HNRNPUL1: variants seen among roughly 807,000 people sequenced by gnomAD.
HNRNPUL1 encodes the protein heterogeneous nuclear ribonucleoprotein U like 1.
Under a neutral mutation model 108.5 loss-of-function variants are expected in HNRNPUL1, and 14 were observed. The ratio of observed to expected loss-of-function variants is 0.13; its 90% CI spans 0.09 to 0.20. The LOEUF is 0.20. Among genes scored for constraint, HNRNPUL1 ranks in the 10% least tolerant of loss-of-function variants. The pLI is 1.00. For synonymous variants in HNRNPUL1, 422 were observed against 445.2 expected, an observed-to-expected ratio of 0.95 and a Z score of 0.66; for missense variants, 804 against 1,168.3, an observed-to-expected ratio of 0.69 and a Z score of 4.55.
chr19:41,279,030 C>A, intron 5 of HNRNPUL1, 47 bp from the exon 6 acceptor site: 1 of 1,329,670 alleles, frequency 7.5e-7, no homozygotes, highest in Non-Finnish European at 1.1e-6. Context: ...TCATAACCTA[C>A]GGCCTCCAGA....
chr19:41,297,856 T>C (rs370825680), intron 10 of HNRNPUL1, among the ~76,000 whole-genome samples: 1 of 152,120 alleles, frequency 6.6e-6, no homozygotes, highest in Non-Finnish European at 1.5e-5. Flanking sequence ...AGGGCTAGAA[T>C]AGTCTCCCAC....
chr19:41,266,280 A>C (rs2034838470), intron 1 of HNRNPUL1, among the ~76,000 whole-genome samples: 2 of 151,942 alleles, frequency 1.3e-5, no homozygotes, highest in Non-Finnish European at 2.9e-5. Context: ...TAAAAATACA[A>C]ATATTAACCG....
chr19:41,274,201 G>T, intron 4 of HNRNPUL1, 146 bp downstream of exon 4: 1 of 693,292 alleles, frequency 1.4e-6, no homozygotes, highest in Non-Finnish European at 2.5e-6. Flanking sequence ...TGGAGCAAGA[G>T]TACTGGTTTG....
In HNRNPUL1 at chr19:41,264,771, G is replaced by A; in HGVS notation, c.268G>A (p.Gly90Ser). The change falls in exon 1 of 15, where the codon GGC becomes AGC. Residue 90 changes from glycine (G) to serine (S), a missense_variant. By Grantham distance (56) the Gly-to-Ser change is moderately conservative (BLOSUM62 0). Around this residue, in one of 4 missense-constraint regions of HNRNPUL1, gnomAD observed 256 missense variants for 261.6 expected, o/e 0.98. Coordinates refer to ENST00000392006, the MANE Select transcript of HNRNPUL1 (RefSeq NM_007040.6). ...PPGLQPHAEP[G>S]GYSGPDGHYA... ...CGGGCTGCAGCCGCACGCGGAGCCC[G>A]GCGGCTACTCGGGGCCGGACGGACA... 1.5e-6 allele frequency: 2 copies of A among 1,375,744 alleles called. No homozygotes were observed. The highest frequency in any genetic ancestry group is 1.9e-6 in the Non-Finnish European group (2 of 1,069,092). The allele number at this position is 1,375,744 out of a possible 1,614,324, so 85.2% of individuals were successfully genotyped here.
rs1441293973 is a variant in HNRNPUL1 at position 41,274,118 on chromosome 19, G to A, written c.646+63G>A. ...GTCAGTATGGGGAAATTGTGGTCTTGACCTTCACCAGAATCCCTGCTGGGC... is the reference window on the plus strand; with the variant it reads ...GTCAGTATGGGGAAATTGTGGTCTTAACCTTCACCAGAATCCCTGCTGGGC... On this transcript the variant is annotated intron_variant, in intron 4 of 14. Coordinates refer to ENST00000392006, the MANE Select transcript of HNRNPUL1 (RefSeq NM_007040.6). The A allele has an allele frequency of 5.2e-6, 7 of 1,349,614 alleles. No individual in the cohort carries two copies. The East Asian group carries it at 1.4e-4, about 26-fold the overall frequency. The allele number at this position is 1,349,614 out of a possible 1,614,324, so 83.6% of individuals were successfully genotyped here.
chr19:41,268,187 G>C, intron 1 of HNRNPUL1, 36 bp from the exon 2 acceptor site: 1 of 1,606,612 alleles, frequency 6.2e-7, no homozygotes, highest in Non-Finnish European at 8.5e-7. Flanking sequence ...TTCATGAACC[G>C]CCCCTCTAAT....
chr19:41,286,546 TG>T (rs1262601389), intron 7 of HNRNPUL1: 1 of 152,104 alleles, frequency 6.6e-6, no homozygotes, highest in East Asian at 1.9e-4. Context: ...GGCAACCTGA[TG>T]GTCCCTAACT....
Position 41,268,347 on chromosome 19 carries a change from T to A in HNRNPUL1, c.418+2T>A. On this transcript the variant is annotated splice_donor_variant, in intron 2 of 14. Coordinates refer to ENST00000392006, the MANE Select transcript of HNRNPUL1 (RefSeq NM_007040.6). LOFTEE classifies it high-confidence loss of function. ...AGCAGCAGCAGGCCTATCGTCCAGG[T>A]AGGAAAATACACATGGTTCATCTCT... 6.2e-7 allele frequency: 1 copy of A among 1,613,124 alleles called. No homozygotes were observed. The highest frequency in any genetic ancestry group is 8.5e-7 in the Non-Finnish European group (1 of 1,179,632).
At chr19:41,303,640 C>T (rs2037372752) in intron 12 of HNRNPUL1, among the ~76,000 whole-genome samples, 1 of 152,116 alleles carries the variant, frequency 6.6e-6, no homozygotes, top group African/African-American at 2.4e-5. Context: ...AGATGTGAGC[C>T]ACCGCACCCT....
chr19:41,304,104 C>T lies in HNRNPUL1; in HGVS notation c.2105C>T (p.Pro702Leu), dbSNP rs374729735. The change falls in exon 13 of 15, where the codon CCG (proline) becomes CTG (leucine). Residue 702 changes from proline to leucine, a missense_variant. Transcript: ENST00000392006. The stretch of plus-strand genomic sequence containing the variant: ...CAACAGCCGCCACCACAGCAGCCTC[C>T]GCCACCACAGCCACCACCCCAGCAG... ...PQQQPPPQQP[P>L]PPQPPPQQPP... 19 of 1,613,080 alleles carry T rather than the reference C, an allele frequency of 1.2e-5. No individual in the cohort carries two copies. Among genetic ancestry groups the T allele is most frequent in the African/African-American group, 5.3e-5 (4 of 74,844 alleles).
At chr19:41,271,487 A>G (rs1234488807) in intron 2 of HNRNPUL1, among the ~76,000 whole-genome samples, 1 of 152,154 alleles carries the variant, frequency 6.6e-6, no homozygotes, top group Non-Finnish European at 1.5e-5. Context: ...TGAATGCAGA[A>G]ATGAGTAGAT....
intron 7 of HNRNPUL1, among the ~76,000 whole-genome samples, chr19:41,283,517 G>A (rs536515172): frequency 2.6e-5 from 4 of 152,200 alleles, no homozygotes; most frequent in East Asian, 1.9e-4. Context: ...GCACGGTGGC[G>A]CAATCTCGGC....
Position 41,307,305 on chromosome 19 carries a change from G to C in HNRNPUL1, c.*740G>C, listed in dbSNP as rs1193001749. The C allele has an allele frequency of 6.6e-6, 1 of 152,618 alleles. No homozygotes were observed. Among genetic ancestry groups the C allele is most frequent in the Non-Finnish European group, 1.5e-5 (1 of 68,050 alleles). The allele number at this position is 152,618 out of a possible 1,614,324, so 9.5% of individuals were successfully genotyped here. ...CAGTTCCCCATAACTTTGCACACAA[G>C]CTTCTGTGTTCAGTTGAATTGTAAC... On this transcript the variant is annotated 3_prime_UTR_variant, in exon 15 of 15. Coordinates refer to ENST00000392006, the MANE Select transcript of HNRNPUL1 (RefSeq NM_007040.6).
At chr19:41,267,517 G>C (rs2034924694) in intron 1 of HNRNPUL1, among the ~76,000 whole-genome samples, 1 of 152,186 alleles carries the variant, frequency 6.6e-6, no homozygotes, top group Non-Finnish European at 1.5e-5. Flanking sequence ...TTCAACCTTG[G>C]TAAACAGACC....
intron 2 of HNRNPUL1, among the ~76,000 whole-genome samples, chr19:41,269,205 C>T (rs2035054708): frequency 6.6e-6 from 1 of 151,678 alleles, no homozygotes; most frequent in African/African-American, 2.4e-5. Context: ...CTGGCTCATA[C>T]CTATAATTCC....
chr19:41,277,884 C>T (rs537255251), intron 5 of HNRNPUL1, among the ~76,000 whole-genome samples: 3 of 151,628 alleles, frequency 2.0e-5, no homozygotes, highest in South Asian at 2.1e-4. Context: ...TCTGAAAAGC[C>T]AGTGAGGCCA....
chr19:41,268,553 C>T (rs181735559), intron 2 of HNRNPUL1, among the ~76,000 whole-genome samples: 2 of 152,174 alleles, frequency 1.3e-5, no homozygotes, highest in East Asian at 3.9e-4. Flanking sequence ...TCCATGGTAT[C>T]TGTAAAAAAG....
intron 7 of HNRNPUL1, among the ~76,000 whole-genome samples, chr19:41,286,259 T>C (rs2036222015): frequency 6.6e-6 from 1 of 151,940 alleles, no homozygotes; most frequent in Non-Finnish European, 1.5e-5. Context: ...TCCACAAATA[T>C]TTTCAGTATA....
chr19:41,301,968 G>A (rs886738667), intron 11 of HNRNPUL1, among the ~76,000 whole-genome samples: 1 of 152,212 alleles, frequency 6.6e-6, no homozygotes, highest in Non-Finnish European at 1.5e-5. Flanking sequence ...AAAGTCCTGT[G>A]TGCTCACCCT....
Sources: gnomAD v4.1 joint callset for allele counts (sites outside exome capture counted in the v4.1 genomes callset) on GRCh38, gnomAD v4.1.1 for gene constraint, gnomAD v4.1.1 regional missense constraint, MANE v1.5 for transcripts, NCBI Gene and HGNC (gene_info 2026-07-23, HGNC 2026-07-21) for gene names.